SERPINA12: variants seen among roughly 807,000 people sequenced by gnomAD.
The protein encoded by SERPINA12 is serpin family A member 12.
In SERPINA12, 21 loss-of-function variants were observed where a neutral mutation model predicts 25.9. The observed-to-expected ratio is 0.81, with a 90% CI of 0.58 to 1.17. The LOEUF is 1.17. Among genes scored for constraint, SERPINA12 ranks in the 50% most tolerant of loss-of-function variants. SERPINA12 has a pLI of 0.00. For synonymous variants in SERPINA12, 220 were observed against 196.0 expected, an observed-to-expected ratio of 1.12 and a Z score of -1.02; for missense variants, 562 against 508.3, an observed-to-expected ratio of 1.11 and a Z score of -1.02.
At position 94,497,923 on chromosome 14, in the gene SERPINA12, TG is replaced by T. The variant is rs749970903; in HGVS notation, c.474del (p.Tyr158Ter). On this transcript the variant is annotated frameshift_variant, in exon 2 of 5. Coordinates refer to ENST00000677451, the MANE Select transcript of SERPINA12 (RefSeq NM_001382267.1). LOFTEE classifies it high-confidence loss of function. ...RKFLEDAKNF[Y>X]SAETILTNFQ... ...AAGTTGGTAAGGATGGTTTCGGCAC[TG>T]TAAAAGTTCTTGGCATCTTCCAAAA... 1.6e-5 allele frequency: 26 copies of T among 1,614,102 alleles called. No homozygotes were observed. Among genetic ancestry groups the T allele is most frequent in the Non-Finnish European group, 2.1e-5 (25 of 1,180,048 alleles).
chr14:94,511,387 G>T, upstream of SERPINA12: 1 of 983,664 alleles, frequency 1.0e-6, no homozygotes, highest in Non-Finnish European at 1.2e-6. Context: ...TAATGGATGT[G>T]CAGCTTCATA....
chr14:94,487,825 A>T (rs1050642438), intron 4 of SERPINA12, among the ~76,000 whole-genome samples: 1 of 152,160 alleles, frequency 6.6e-6, no homozygotes, highest in African/African-American at 2.4e-5. Flanking sequence ...ACTGGGCTGT[A>T]GCTGGGTGAA....
At chr14:94,502,160 A>G (rs1900758493) in intron 1 of SERPINA12, among the ~76,000 whole-genome samples, 1 of 152,090 alleles carries the variant, frequency 6.6e-6, no homozygotes, top group Non-Finnish European at 1.5e-5. Flanking sequence ...TGGGGTACAC[A>G]TGGGACACAT....
Position 94,498,189 on chromosome 14 carries a change from C to T in SERPINA12, c.209G>A (p.Arg70Lys), listed in dbSNP as rs756380682. 6.2e-7 allele frequency: 1 copy of T among 1,614,204 alleles called. No homozygotes were observed. The highest frequency in any genetic ancestry group is 1.7e-5 in the Admixed American group (1 of 60,024). ...GCTCAAGGGGGATAGGAAGATGTTC[C>T]TGCCAGGGTTGTAAAAGGCCAGCTT... is the stretch of plus-strand genomic sequence containing the variant. ...LKKLAFYNPG[R>K]NIFLSPLSIS... Residue 70 changes from arginine (R) to lysine (K), a missense_variant, in exon 2 of 5, where the codon AGG becomes AAG. Physicochemically the swap from Arg to Lys is conservative, Grantham distance 26. Coordinates refer to ENST00000677451, the MANE Select transcript of SERPINA12 (RefSeq NM_001382267.1).
chr14:94,503,383 C>T (rs2079789024), intron 1 of SERPINA12: 1 of 913,546 alleles, frequency 1.1e-6, no homozygotes, highest in African/African-American at 1.8e-5. Flanking sequence ...ATGTTTGAGT[C>T]CTCACTCTGT....
chr14:94,499,041 T>A (rs1031080647), intron 1 of SERPINA12, among the ~76,000 whole-genome samples: 1 of 152,222 alleles, frequency 6.6e-6, no homozygotes, highest in Admixed American at 6.5e-5. Context: ...CTCAGTTTGC[T>A]ACCCACTTCC....
chr14:94,503,298 C>G, intron 1 of SERPINA12: 1 of 985,284 alleles, frequency 1.0e-6, no homozygotes, highest in Non-Finnish European at 1.2e-6. Flanking sequence ...TTCTGGAAAA[C>G]AAAGAGTGGA....
upstream of SERPINA12, chr14:94,511,703 G>T: frequency 1.0e-6 from 1 of 985,352 alleles, no homozygotes; most frequent in South Asian, 4.7e-5. Flanking sequence ...TTCCAAAGAG[G>T]CAGAACTTGA....
In SERPINA12 at chr14:94,487,433, C is replaced by G; in HGVS notation, c.1115G>C (p.Gly372Ala). 6.2e-7 allele frequency: 1 copy of G among 1,614,062 alleles called. No homozygotes were observed. The highest frequency in any genetic ancestry group is 8.5e-7 in the Non-Finnish European group (1 of 1,179,988). ...TGTCTCCATGGGCAGAGTCTGTGCT[C>G]CGGTGCCAGCGGCCCCTTCCGTACC... is the stretch of plus-strand genomic sequence containing the variant. ...ERGTEGAAGT[G>A]AQTLPMETPL... Residue 372 changes from glycine to alanine, a missense_variant, in exon 5 of 5, where the codon GGA becomes GCA. Transcript: ENST00000677451.
upstream of SERPINA12, among the ~76,000 whole-genome samples, chr14:94,512,079 C>A (rs1294957923): frequency 3.3e-5 from 5 of 151,726 alleles, no homozygotes. Flanking sequence ...GCCTGGGTGA[C>A]AGTGATACTC....
chr14:94,493,666 A>C (rs951612390), intron 3 of SERPINA12, among the ~76,000 whole-genome samples: 1 of 152,032 alleles, frequency 6.6e-6, no homozygotes, highest in Non-Finnish European at 1.5e-5. Context: ...ACGAGACGCC[A>C]CTGAGAGCAG....
chr14:94,495,161 C>T (rs55748034), intron 3 of SERPINA12, among the ~76,000 whole-genome samples: 2 of 146,224 alleles, frequency 1.4e-5, no homozygotes, highest in Non-Finnish European at 3.0e-5. Context: ...CTCCGCCTCC[C>T]GGGTTCATGC....
At chr14:94,504,780 T>C (rs1439996185) in intron 1 of SERPINA12, among the ~76,000 whole-genome samples, 1 of 152,258 alleles carries the variant, frequency 6.6e-6, no homozygotes, top group African/African-American at 2.4e-5. Flanking sequence ...TGGGTTCTCT[T>C]GTGCTGGGGT....
chr14:94,516,871 C>T (rs1390950991), intron 1 of SERPINA12, among the ~76,000 whole-genome samples: 2 of 152,198 alleles, frequency 1.3e-5, no homozygotes, highest in African/African-American at 2.4e-5. Context: ...GAAATGACAG[C>T]TCCCACAGGC....
chr14:94,515,199 G>A (rs766859468), intron 2 of SERPINA12, among the ~76,000 whole-genome samples: 6 of 152,206 alleles, frequency 3.9e-5, no homozygotes, highest in Non-Finnish European at 7.3e-5. Flanking sequence ...GGGAGAGGCT[G>A]ATGATTGGGA....
intron 3 of SERPINA12, among the ~76,000 whole-genome samples, chr14:94,494,056 C>T (rs1900292942): frequency 6.6e-6 from 1 of 152,124 alleles, no homozygotes; most frequent in Admixed American, 6.5e-5. Flanking sequence ...CAGTGAGTTC[C>T]AGCAAATCAA....
intron 3 of SERPINA12, among the ~76,000 whole-genome samples, chr14:94,491,497 GT>G (rs1566805374): frequency 6.6e-6 from 1 of 152,146 alleles, no homozygotes; most frequent in East Asian, 1.9e-4. Flanking sequence ...ACTCTTGGTG[GT>G]GGTGGTGTGT....
upstream of SERPINA12, chr14:94,510,362 A>G (rs557624013): frequency 6.5e-6 from 4 of 613,230 alleles, no homozygotes; most frequent in Non-Finnish European, 6.1e-6. Context: ...CAACATTACT[A>G]ACCATCAGGG....
At chr14:94,503,546 T>A (rs1900819270) in intron 1 of SERPINA12, among the ~76,000 whole-genome samples, 1 of 152,166 alleles carries the variant, frequency 6.6e-6, no homozygotes, top group African/African-American at 2.4e-5. Context: ...CTTCCGTGAC[T>A]GCATTCTAGG....
Sources: gnomAD v4.1 joint callset for allele counts (sites outside exome capture counted in the v4.1 genomes callset) on GRCh38, gnomAD v4.1.1 for gene constraint, MANE v1.5 for transcripts, NCBI Gene and HGNC (gene_info 2026-07-23, HGNC 2026-07-21) for gene names.